Variants in CSMD1 observed in about 807,000 individuals in gnomAD.
The protein encoded by CSMD1 is CUB and sushi domain-containing protein 1.
CSMD1 carries 213 observed loss-of-function variants against 417.5 expected under a neutral mutation model. The ratio of observed to expected loss-of-function variants is 0.51; its 90% CI spans 0.46 to 0.57. CSMD1 has a LOEUF of 0.57. CSMD1 is among the 20% of genes least tolerant of loss of function. The probability of loss-of-function intolerance (pLI) is 0.00; values close to 1 mark genes in which losing one functional copy is unlikely to be tolerated. For missense variants in CSMD1, 6,923 were observed against 4,529.7 expected (o/e 1.53, Z -15.17); for synonymous variants, 2,862 against 1,736.8 (o/e 1.65, Z -16.11).
intron 2 of CSMD1, among the ~76,000 whole-genome samples, chr8:4,635,144 G>C (rs1403264121): frequency 1.3e-5 from 2 of 152,040 alleles, no homozygotes; most frequent in African/African-American, 2.4e-5. Context: ...ATGAACCTAA[G>C]TAGGCTCTTT....
In CSMD1 at chr8:4,157,616, G is replaced by A. The variant is rs115562362; in HGVS notation, c.416-125517C>T. On this transcript the variant is annotated intron_variant, in intron 3 of 69. Transcript: ENST00000635120. ...CATGTAACAAATGCAAATCTTTCAC[G>A]CAGAGTTGATTTTCAGAACAGCTCA... 8.2e-3 allele frequency among the ~76,000 whole-genome samples: 1,255 copies of A among 152,272 alleles called. 21 individuals carry two copies. The highest frequency in any genetic ancestry group is 0.029 in the African/African-American group (1,213 of 41,536).
intron 20 of CSMD1, among the ~76,000 whole-genome samples, chr8:3,363,957 C>T (rs1368473082): frequency 6.6e-6 from 1 of 152,136 alleles, no homozygotes; most frequent in Non-Finnish European, 1.5e-5. Context: ...TTACCGTTAA[C>T]ATCTGCAGAA....
At chr8:3,132,820 C>A (rs1817866024) in intron 41 of CSMD1, among the ~76,000 whole-genome samples, 1 of 152,142 alleles carries the variant, frequency 6.6e-6, no homozygotes, top group Non-Finnish European at 1.5e-5. Context: ...TTCTGGAGCT[C>A]AGGAGCTACA....
At chr8:3,759,846 T>G (rs1797892346) in intron 5 of CSMD1, among the ~76,000 whole-genome samples, 1 of 146,716 alleles carries the variant, frequency 6.8e-6, no homozygotes, top group Admixed American at 6.9e-5. Context: ...AGGCAGAGGT[T>G]GCAGTGACCC....
intron 3 of CSMD1, among the ~76,000 whole-genome samples, chr8:4,388,964 T>G (rs1803656745): frequency 6.6e-6 from 1 of 152,190 alleles, no homozygotes; most frequent in African/African-American, 2.4e-5. Context: ...GTCTCTTACC[T>G]CACACACTTG....
intron 27 of CSMD1, among the ~76,000 whole-genome samples, chr8:3,226,007 A>AGCT (rs1798480709): frequency 6.6e-6 from 1 of 152,236 alleles, no homozygotes; most frequent in Non-Finnish European, 1.5e-5. Context: ...CAGCACACAT[A>AGCT]CATACGTAGC....
chr8:3,160,655 G>C (rs145062693), intron 38 of CSMD1, among the ~76,000 whole-genome samples: 2 of 152,188 alleles, frequency 1.3e-5, no homozygotes, highest in South Asian at 2.1e-4. Context: ...TGGTAGGTTT[G>C]TTCTTACGAA....
chr8:4,373,494 G>T (rs1022731914), intron 3 of CSMD1, among the ~76,000 whole-genome samples: 3 of 152,060 alleles, frequency 2.0e-5, no homozygotes, highest in Non-Finnish European at 4.4e-5. Context: ...TCCTAAAAAA[G>T]TTTATTTAGC....
intron 54 of CSMD1, among the ~76,000 whole-genome samples, chr8:2,985,275 G>C (rs573838666): frequency 1.3e-5 from 2 of 152,340 alleles, no homozygotes; most frequent in South Asian, 4.1e-4. Context: ...CTTCTGCCTA[G>C]TTCAGGAACA....
At chr8:4,178,638 A>C (rs1798187800) in intron 3 of CSMD1, among the ~76,000 whole-genome samples, 1 of 152,038 alleles carries the variant, frequency 6.6e-6, no homozygotes, top group African/African-American at 2.4e-5. Context: ...AGGAAGTCAA[A>C]TTGTCCCTTT....
chr8:4,375,228 T>C (rs1277319358), intron 3 of CSMD1, among the ~76,000 whole-genome samples: 1 of 152,100 alleles, frequency 6.6e-6, no homozygotes, highest in Non-Finnish European at 1.5e-5. Context: ...ATAGTTTGGA[T>C]GGTCTTAGAA....
chr8:3,936,458 G>C (rs1325325452), intron 5 of CSMD1, among the ~76,000 whole-genome samples: 1 of 152,150 alleles, frequency 6.6e-6, no homozygotes, highest in Non-Finnish European at 1.5e-5. Flanking sequence ...TGCAACTCAG[G>C]ATTTTAAGTT....
chr8:4,255,710 G>T (rs182642773), intron 3 of CSMD1, among the ~76,000 whole-genome samples: 1 of 152,216 alleles, frequency 6.6e-6, no homozygotes, highest in East Asian at 1.9e-4. Flanking sequence ...CTTAGGCACT[G>T]TGAGTTATTT....
At chr8:4,460,273 A>T (rs1344217843) in intron 2 of CSMD1, among the ~76,000 whole-genome samples, 1 of 152,302 alleles carries the variant, frequency 6.6e-6, no homozygotes, top group Admixed American at 6.5e-5. Flanking sequence ...AGGGAAATTT[A>T]AAAATAATAT....
At chr8:4,126,092 G>C (rs1299287173) in intron 3 of CSMD1, among the ~76,000 whole-genome samples, 5 of 151,684 alleles carry the variant, frequency 3.3e-5, no homozygotes, top group Admixed American at 2.6e-4. Flanking sequence ...ACAGAAGACA[G>C]CAAGAAAAAC....
At chr8:3,450,233 A>C (rs1189945962) in intron 12 of CSMD1, among the ~76,000 whole-genome samples, 2 of 152,102 alleles carry the variant, frequency 1.3e-5, no homozygotes, top group Non-Finnish European at 2.9e-5. Context: ...AACTGACTTC[A>C]TGGTCTTTCT....
chr8:4,290,445 T>C (rs61672175), intron 3 of CSMD1, among the ~76,000 whole-genome samples: 4,364 of 152,250 alleles, frequency 0.029, 75 homozygotes, highest in African/African-American at 0.043. Flanking sequence ...TCCATGCTGT[T>C]CTATGGGCAA....
At chr8:4,723,660 T>A (rs952320131) in intron 1 of CSMD1, among the ~76,000 whole-genome samples, 1 of 152,012 alleles carries the variant, frequency 6.6e-6, no homozygotes, top group Non-Finnish European at 1.5e-5. Flanking sequence ...TATGTATCTT[T>A]CTCAGTTTTT....
At chr8:4,196,469 G>C (rs966037812) in intron 3 of CSMD1, among the ~76,000 whole-genome samples, 1 of 152,092 alleles carries the variant, frequency 6.6e-6, no homozygotes, top group South Asian at 2.1e-4. Context: ...GTCCAATGCC[G>C]ATTCAGGTGC....
Sources: allele counts gnomAD v4.1 joint callset (sites outside exome capture counted in the v4.1 genomes callset), GRCh38; gene constraint gnomAD v4.1.1; transcripts MANE v1.5; gene names NCBI Gene and HGNC (gene_info 2026-07-23, HGNC 2026-07-21).